UGT2B17: variants seen among roughly 807,000 people sequenced by gnomAD.
UGT2B17 encodes UDP glucuronosyltransferase family 2 member B17, also known as UDP-glucuronosyltransferase 2B17.
In UGT2B17, 21 loss-of-function variants were observed where a neutral mutation model predicts 48.2. That is an observed-to-expected ratio of 0.44 (90% confidence interval 0.31 to 0.63). The LOEUF is 0.63. Ranked by LOEUF, UGT2B17 falls within the 20% of genes least tolerant of loss-of-function variation. UGT2B17 has a pLI of 0.08. For synonymous variants in UGT2B17, 146 were observed against 238.4 expected (o/e 0.61, Z 3.57); for missense variants, 402 against 696.1 (o/e 0.58, Z 4.75).
Position 68,543,372 on chromosome 4 carries a change from G to A in UGT2B17, c.1314-5468C>T, listed in dbSNP as rs1343502764. Among the ~76,000 whole-genome samples the A allele has an allele frequency of 3.2e-5, 4 of 126,090 alleles. 1 individual carries two copies. Among genetic ancestry groups the A allele is most frequent in the Non-Finnish European group, 5.0e-5 (3 of 59,570 alleles). 82.7% of individuals were successfully genotyped at this position (126,090 alleles called of 152,430 possible). Reference sequence around the variant, plus strand: ...AAACTCGAACAGACCTGCAGCTGAGGGTCCTGACTGTTAGAAGGAAAACTA... The same window carrying A: ...AAACTCGAACAGACCTGCAGCTGAGAGTCCTGACTGTTAGAAGGAAAACTA... On this transcript the variant is annotated intron_variant, in intron 6 of 6. Transcript: ENST00000317746.
intron 3 of UGT2B17, among the ~76,000 whole-genome samples, chr4:68,564,294 A>ATATATATATAT (rs1366181355): frequency 5.3e-5 from 4 of 75,762 alleles, no homozygotes; most frequent in African/African-American, 1.0e-4. Flanking sequence ...ATATATATAT[A>ATATATATATAT]TTTTTTTTTT....
In UGT2B17 at chr4:68,542,362, G is replaced by T. The variant is rs1218405786; in HGVS notation, c.1314-4458C>A. Among the ~76,000 whole-genome samples the T allele has an allele frequency of 6.4e-5, 8 of 125,782 alleles. 2 individuals are homozygous for T. The highest frequency in any genetic ancestry group is 1.4e-4 in the African/African-American group (5 of 36,770). 82.5% of individuals were successfully genotyped at this position (125,782 alleles called of 152,430 possible). A position where few individuals can be genotyped will look rare whatever the true frequency, so the allele number is the denominator to read the frequency against. On this transcript the variant is annotated intron_variant, in intron 6 of 6. Coordinates refer to ENST00000317746, the MANE Select transcript of UGT2B17 (RefSeq NM_001077.4). ...TCTTGGCTATATGGGCTCTTTTTTG[G>T]TTCCATATTAAATTTAAAGTAGTTT...
Position 68,570,741 on chromosome 4 carries a change from C to A in UGT2B17, c.-64-2193G>T, listed in dbSNP as rs1471531328. 3.2e-5 allele frequency among the ~76,000 whole-genome samples: 4 copies of A among 126,070 alleles called. 1 individual carries two copies. The highest frequency in any genetic ancestry group is 2.7e-5 in the African/African-American group (1 of 36,696). 82.7% of individuals were successfully genotyped at this position (126,070 alleles called of 152,430 possible). On this transcript the variant is annotated intron_variant, in intron 1 of 6. Coordinates refer to ENST00000317746, the MANE Select transcript of UGT2B17 (RefSeq NM_001077.4). ...GAAGTACAGGTAGCAAACAAGGGAG[C>A]AGTAAGCAGGTTTTTATAATTATTG...
chr4:68,549,331 G>A, intron 6 of UGT2B17, among the ~76,000 whole-genome samples: 1 of 88,794 alleles, frequency 1.1e-5, no homozygotes, highest in Non-Finnish European at 2.5e-5. Flanking sequence ...GTTTCAAAAG[G>A]CATCCTCCAA....
At chr4:68,541,075 CT>C (rs1223080546) in intron 6 of UGT2B17, among the ~76,000 whole-genome samples, 1 of 125,562 alleles carries the variant, frequency 8.0e-6, no homozygotes, top group Non-Finnish European at 1.7e-5. Flanking sequence ...GGTTCCATAT[CT>C]TTGATATTGT....
chr4:68,561,732 T>A (rs1731106908), intron 3 of UGT2B17, among the ~76,000 whole-genome samples: 1 of 120,986 alleles, frequency 8.3e-6, no homozygotes, highest in Non-Finnish European at 1.7e-5. Flanking sequence ...TGTGTTCCTG[T>A]TTTTAAACTT....
At position 68,538,023 on chromosome 4, in the gene UGT2B17, T is replaced by C. The variant is rs1457357236; in HGVS notation, c.1314-119A>G. 4 of 748,024 alleles carry C rather than the reference T, an allele frequency of 5.3e-6. No homozygotes were observed. The African/African-American group carries it at 5.5e-5, about 10-fold the overall frequency. The allele number at this position is 748,024 out of a possible 1,614,324, so 46.3% of individuals were successfully genotyped here. A position where few individuals can be genotyped will look rare whatever the true frequency, so the allele number is the denominator to read the frequency against. On this transcript the variant is annotated intron_variant, in intron 6 of 6. Coordinates refer to ENST00000317746, the MANE Select transcript of UGT2B17 (RefSeq NM_001077.4). ...GTGATTCAAAGTAAGTGTCATTGAA[T>C]TGACATAAAATATTAATGTTTTAAT...
intron 3 of UGT2B17, among the ~76,000 whole-genome samples, chr4:68,560,898 G>T (rs1201670498): frequency 8.0e-6 from 1 of 125,780 alleles, no homozygotes; most frequent in Admixed American, 8.2e-5. Flanking sequence ...GTATGTGTGT[G>T]TAAGGAAGAA....
chr4:68,542,638 G>A lies in UGT2B17; in HGVS notation c.1314-4734C>T, dbSNP rs1219545984. On this transcript the variant is annotated intron_variant, in intron 6 of 6. Coordinates refer to ENST00000317746, the MANE Select transcript of UGT2B17 (RefSeq NM_001077.4). ...CACCACGTGTGAGCCAAAGCATGGC[G>A]AGGCATTGCCTCATCAGGGAAGCAC... Among the ~76,000 whole-genome samples, 6 of 126,938 alleles carry A rather than the reference G, an allele frequency of 4.7e-5. 2 individuals carry two copies. The highest frequency in any genetic ancestry group is 1.6e-4 in the Admixed American group (2 of 12,496). The allele number at this position is 126,938 out of a possible 152,430, so 83.3% of individuals were successfully genotyped here.
rs565957013 is a variant in UGT2B17 at position 68,573,589 on chromosome 4, C to T, written c.-65+2362G>A. ...TGAAAGACTTATAAGGGGCTCCTCT[C>T]ACTTTACGATGTGTTATTATTATTT... is the stretch of plus-strand genomic sequence containing the variant. On this transcript the variant is annotated intron_variant, in intron 1 of 6. Coordinates refer to ENST00000317746, the MANE Select transcript of UGT2B17 (RefSeq NM_001077.4). Among the ~76,000 whole-genome samples the T allele has an allele frequency of 2.9e-4, 37 of 126,132 alleles. 14 individuals are homozygous for T. In the South Asian group the frequency reaches 0.013, roughly 44 times the overall value. The allele number at this position is 126,132 out of a possible 152,430, so 82.7% of individuals were successfully genotyped here.
In UGT2B17 at chr4:68,553,901, C is replaced by T. The variant is rs909407726; in HGVS notation, c.1006-1990G>A. ...TTTTCTCAGCTCCAAAGTGAAAGGG[C>T]ATCTGCTCCTCCCAGGCAAAAGGCA... On this transcript the variant is annotated intron_variant, in intron 4 of 6. Transcript: ENST00000317746. Among the ~76,000 whole-genome samples the T allele has an allele frequency of 3.3e-5, 4 of 122,706 alleles. 1 individual carries two copies. The highest frequency in any genetic ancestry group is 8.5e-5 in the Admixed American group (1 of 11,812). 80.5% of individuals were successfully genotyped at this position (122,706 alleles called of 152,430 possible). A position where few individuals can be genotyped will look rare whatever the true frequency, so the allele number is the denominator to read the frequency against.
In UGT2B17 at chr4:68,552,830, T is replaced by C. The variant is rs1197526536; in HGVS notation, c.1006-919A>G. ...AAGTTTATTTTGCTGTACAACTCCT[T>C]TTTTTTTGTTTTTTATTTTTTTTTG... is the stretch of plus-strand genomic sequence containing the variant. On this transcript the variant is annotated intron_variant, in intron 4 of 6. Transcript: ENST00000317746. Among the ~76,000 whole-genome samples the C allele has an allele frequency of 1.6e-5, 2 of 124,644 alleles. 1 individual carries two copies. The highest frequency in any genetic ancestry group is 3.4e-5 in the Non-Finnish European group (2 of 58,952). The allele number at this position is 124,644 out of a possible 152,430, so 81.8% of individuals were successfully genotyped here. A position where few individuals can be genotyped will look rare whatever the true frequency, so the allele number is the denominator to read the frequency against.
Position 68,553,484 on chromosome 4 carries a change from C to A in UGT2B17, c.1006-1573G>T, listed in dbSNP as rs1289313775. ...CACCACTCACCCCTTTGGGGGTGCT[C>A]TGTTTTCTTTGTGGAGTTTCAAGAG... On this transcript the variant is annotated intron_variant, in intron 4 of 6. Coordinates refer to ENST00000317746, the MANE Select transcript of UGT2B17 (RefSeq NM_001077.4). 2.6e-4 allele frequency among the ~76,000 whole-genome samples: 33 copies of A among 126,188 alleles called. 7 individuals are homozygous for A. Among genetic ancestry groups the A allele is most frequent in the African/African-American group, 8.4e-4 (31 of 37,066 alleles). 82.8% of individuals were successfully genotyped at this position (126,188 alleles called of 152,430 possible).
At chr4:68,545,750 C>T (rs1301135179) in intron 6 of UGT2B17, among the ~76,000 whole-genome samples, 3 of 125,126 alleles carry the variant, frequency 2.4e-5, no homozygotes, top group Non-Finnish European at 3.4e-5. Flanking sequence ...GTATCACCAC[C>T]GATTCCAGAG....
chr4:68,564,294 A>ATATTTTTT (rs1366181355), intron 3 of UGT2B17, among the ~76,000 whole-genome samples: 2 of 75,786 alleles, frequency 2.6e-5, no homozygotes, highest in African/African-American at 1.0e-4. Context: ...ATATATATAT[A>ATATTTTTT]TTTTTTTTTT....
intron 2 of UGT2B17, among the ~76,000 whole-genome samples, chr4:68,566,123 A>G (rs1278643278): frequency 1.7e-5 from 2 of 118,834 alleles, no homozygotes; most frequent in African/African-American, 5.7e-5. Context: ...TATTTAATTT[A>G]ATATTTAATA....
intron 6 of UGT2B17, among the ~76,000 whole-genome samples, chr4:68,544,810 A>G (rs1274955378): frequency 7.9e-6 from 1 of 125,978 alleles, no homozygotes; most frequent in African/African-American, 2.7e-5. Flanking sequence ...CTCTGATAAA[A>G]CAGACTTTAA....
intron 6 of UGT2B17, among the ~76,000 whole-genome samples, chr4:68,549,123 T>G (rs1182310907): frequency 1.6e-5 from 2 of 122,386 alleles, no homozygotes; most frequent in Non-Finnish European, 3.4e-5. Flanking sequence ...TTAAATCATT[T>G]CTTGTCTTAC....
chr4:68,550,395 C>T (rs1049188292), intron 6 of UGT2B17, among the ~76,000 whole-genome samples: 1 of 124,650 alleles, frequency 8.0e-6, no homozygotes, highest in African/African-American at 2.7e-5. Context: ...TACATAATTT[C>T]TATTGTGTAT....
Sources: allele counts gnomAD v4.1 joint callset (sites outside exome capture counted in the v4.1 genomes callset), GRCh38; gene constraint gnomAD v4.1.1; transcripts MANE v1.5; gene names NCBI Gene and HGNC (gene_info 2026-07-23, HGNC 2026-07-21).